The following APTX variants were observed in gnomAD, a reference collection of about 807,000 sequenced individuals.
APTX encodes the protein aprataxin.
A neutral mutation model predicts 42.3 loss-of-function variants in APTX; 33 were observed. The observed-to-expected ratio is 0.78, with a 90% CI of 0.59 to 1.04. The LOEUF (loss-of-function observed/expected upper bound fraction) is 1.04. APTX is among the 50% of genes least tolerant of loss of function. The pLI is 0.00. For missense variants in APTX, 421 were observed against 415.1 expected (o/e 1.01, Z -0.12); for synonymous variants, 130 against 146.7 (o/e 0.89, Z 0.82).
intron 4 of APTX, chr9:32,986,297 G>A (rs956465899): frequency 1.9e-6 from 1 of 526,198 alleles, no homozygotes; most frequent in Non-Finnish European, 3.5e-6. Context: ...AACCTCCGAA[G>A]TGATTCTCCT....
intron 1 of APTX, among the ~76,000 whole-genome samples, chr9:32,995,217 G>GA (rs893310231): frequency 1.3e-5 from 2 of 152,286 alleles, no homozygotes; most frequent in African/African-American, 4.8e-5. Context: ...TATCAACTGT[G>GA]ATTCTTCTGA....
intron 1 of APTX, among the ~76,000 whole-genome samples, chr9:33,016,443 A>T (rs1197398685): frequency 6.6e-6 from 1 of 152,226 alleles, no homozygotes; most frequent in Non-Finnish European, 1.5e-5. Flanking sequence ...AGACAGCAAT[A>T]AACATGTTTA....
chr9:33,002,745 A>G (rs1445014144), upstream of APTX, among the ~76,000 whole-genome samples: 14 of 152,242 alleles, frequency 9.2e-5, no homozygotes, highest in East Asian at 2.7e-3. Flanking sequence ...ACCATGCTTC[A>G]GCAAGTATCA....
Position 33,000,851 on chromosome 9 carries a change from T to C in APTX, c.-5+716A>G, listed in dbSNP as rs534413234. Among the ~76,000 whole-genome samples, 8 of 141,240 alleles carry C rather than the reference T, an allele frequency of 5.7e-5. No homozygotes were observed. In the South Asian group the frequency reaches 9.1e-4, roughly 16 times the overall value. 92.7% of individuals were successfully genotyped at this position (141,240 alleles called of 152,430 possible). On this transcript the variant is annotated intron_variant, in intron 1 of 7. Transcript: ENST00000379817. The stretch of plus-strand genomic sequence containing the variant: ...AAAGGCTTTTTTTTTTTTTCTTTTT[T>C]TTTTTTTTTTTGAGACGGAGTTTCG...
At chr9:32,994,631 GTCTC>G (rs1834397712) in intron 1 of APTX, among the ~76,000 whole-genome samples, 1 of 152,104 alleles carries the variant, frequency 6.6e-6, no homozygotes, top group Non-Finnish European at 1.5e-5. Flanking sequence ...CTCACTTCAG[GTCTC>G]TGTGTCACAT....
rs144426559 is a variant in APTX, at chr9:33,010,258, C to T, written c.-5+14765G>A. 5.3e-3 allele frequency among the ~76,000 whole-genome samples: 802 copies of T among 152,258 alleles called. 7 individuals carry two copies. The highest frequency in any genetic ancestry group is 0.018 in the African/African-American group (753 of 41,538). Reference sequence around the variant, plus strand: ...AGAGACATGGCTATAGGAGCCCACACGGATACCCACATCCCACAGTCTCAG... The same window carrying T: ...AGAGACATGGCTATAGGAGCCCACATGGATACCCACATCCCACAGTCTCAG... On this transcript the variant is annotated intron_variant, in intron 1 of 6. Coordinates refer to the APTX transcript ENST00000436040.
At chr9:33,019,557 C>G (rs1838194834) in intron 1 of APTX, 1 of 345,700 alleles carries the variant, frequency 2.9e-6, no homozygotes, top group Non-Finnish European at 5.4e-6. Flanking sequence ...CAAGGGACCC[C>G]TGAGCACACA....
At chr9:32,991,145 C>T (rs1273050550) in intron 1 of APTX, among the ~76,000 whole-genome samples, 1 of 152,108 alleles carries the variant, frequency 6.6e-6, no homozygotes, top group Non-Finnish European at 1.5e-5. Flanking sequence ...AGTCTGGTCT[C>T]GACCTCCTGG....
intron 6 of APTX, among the ~76,000 whole-genome samples, chr9:32,984,257 T>C (rs1831364162): frequency 6.6e-6 from 1 of 152,232 alleles, no homozygotes; most frequent in South Asian, 2.1e-4. Context: ...GATGTTTGTT[T>C]CCTTCAGAGT....
chr9:32,990,748 GAGA>G (rs1244973232), intron 1 of APTX, among the ~76,000 whole-genome samples: 1 of 152,178 alleles, frequency 6.6e-6, no homozygotes, highest in Non-Finnish European at 1.5e-5. Flanking sequence ...TTTAAAGGAT[GAGA>G]AGGAGTTTGC....
chr9:32,978,054 A>G (rs1373056864), intron 6 of APTX, among the ~76,000 whole-genome samples: 5 of 152,196 alleles, frequency 3.3e-5, no homozygotes, highest in African/African-American at 4.8e-5. Context: ...TAACAAATTT[A>G]TTTAATCCAA....
rs1440513794 is a variant in APTX at position 32,973,367 on chromosome 9, T to C, written c.*131A>G. The C allele has an allele frequency of 2.7e-6, 3 of 1,098,122 alleles. No individual in the cohort carries two copies. The highest frequency in any genetic ancestry group is 4.8e-5 in the East Asian group (2 of 41,404). The allele number at this position is 1,098,122 out of a possible 1,614,324, so 68.0% of individuals were successfully genotyped here. ...ACTCTACATTGTGGCCACTCAATAA[T>C]AGAATAAATTTGTGAAAAAGCTGCA... On this transcript the variant is annotated 3_prime_UTR_variant, in exon 8 of 8. Transcript: ENST00000379817.
At chr9:33,001,984 C>G (rs1298184067), upstream of APTX, among the ~76,000 whole-genome samples, 3 of 152,232 alleles carry the variant, frequency 2.0e-5, no homozygotes, top group African/African-American at 7.2e-5. Flanking sequence ...CTGCAGACAA[C>G]CTGCTGTAGC....
At chr9:32,989,006 T>C (rs17324043) in intron 2 of APTX, among the ~76,000 whole-genome samples, 10,804 of 152,232 alleles carry the variant, frequency 0.071, 509 homozygotes, top group Non-Finnish European at 0.11. Context: ...AGAACCACCA[T>C]AGCTGCTCCC....
At chr9:33,023,568 G>C (rs148348783) in intron 1 of APTX, among the ~76,000 whole-genome samples, 2 of 152,280 alleles carry the variant, frequency 1.3e-5, no homozygotes, top group East Asian at 3.9e-4. Flanking sequence ...ACACTGCCTG[G>C]TAATATTAGA....
intron 1 of APTX, among the ~76,000 whole-genome samples, chr9:32,999,467 C>A (rs1835748555): frequency 6.6e-6 from 1 of 152,152 alleles, no homozygotes; most frequent in African/African-American, 2.4e-5. Flanking sequence ...TTATACACGA[C>A]TGGAAACAGA....
rs376818632 is a variant in APTX at position 32,990,549 on chromosome 9, G to A, written c.-4-654C>T. Among the ~76,000 whole-genome samples, 7 of 152,278 alleles carry A rather than the reference G, an allele frequency of 4.6e-5. No individual in the cohort carries two copies. The South Asian group carries it at 1.5e-3, about 32-fold the overall frequency. On this transcript the variant is annotated intron_variant, in intron 1 of 7. Coordinates refer to ENST00000379817, the MANE Select transcript of APTX (RefSeq NM_001195248.2). ...AAAGGATGAATAAAACAGGGACATT[G>A]TCCCTGTCCTTGAGGAGCCTGGAGT...
intron 5 of APTX, among the ~76,000 whole-genome samples, chr9:32,985,617 T>C (rs961917384): frequency 6.6e-6 from 1 of 152,176 alleles, no homozygotes; most frequent in African/African-American, 2.4e-5. Flanking sequence ...ATTACAGGGA[T>C]GTCTGACTGT....
chr9:32,988,929 G>A (rs1162346988), intron 2 of APTX, among the ~76,000 whole-genome samples: 1 of 152,148 alleles, frequency 6.6e-6, no homozygotes, highest in African/African-American at 2.4e-5. Flanking sequence ...TGTGAGAAGT[G>A]GTAACATTAA....
Sources: gnomAD v4.1 joint callset for allele counts (sites outside exome capture counted in the v4.1 genomes callset) on GRCh38, gnomAD v4.1.1 for gene constraint, MANE v1.5 for transcripts, NCBI Gene and HGNC (gene_info 2026-07-23, HGNC 2026-07-21) for gene names.